RHEB: variants seen among roughly 807,000 people sequenced by gnomAD.
RHEB encodes GTP-binding protein Rheb.
In RHEB, 2 loss-of-function variants were observed where a neutral mutation model predicts 28.8. The observed-to-expected ratio is 0.07, with a 90% CI of 0.03 to 0.22. The LOEUF (loss-of-function observed/expected upper bound fraction) is 0.22. Ranked by LOEUF, RHEB falls within the 10% of genes least tolerant of loss-of-function variation. RHEB has a pLI of 1.00. For synonymous variants in RHEB, 69 were observed against 77.3 expected (o/e 0.89, Z 0.56); for missense variants, 76 against 219.9 (o/e 0.35, Z 4.14).
At chr7:151,503,335 A>G (rs1343205814) in intron 1 of RHEB, 1 of 868,434 alleles carries the variant, frequency 1.2e-6, no homozygotes. Context: ...GATCACAGAT[A>G]AAATGCAAGA....
rs373977431 is a variant in RHEB at position 151,484,622 on chromosome 7, T to A, written c.192+115A>T. The A allele has an allele frequency of 1.1e-5, 8 of 730,584 alleles. No homozygotes were observed. In the South Asian group the frequency reaches 1.2e-4, roughly 11 times the overall value. The allele number at this position is 730,584 out of a possible 1,614,324, so 45.3% of individuals were successfully genotyped here. On this transcript the variant is annotated intron_variant, in intron 3 of 7. Coordinates refer to ENST00000262187, the MANE Select transcript of RHEB (RefSeq NM_005614.4). ...CCAAACCATTGGGAGTCAGGGACTG[T>A]CTGCACACAACCTGAGGGGTTTTCT... is the stretch of plus-strand genomic sequence containing the variant.
At position 151,481,967 on chromosome 7, in the gene RHEB, CCCAGA is replaced by C. The variant is rs775127116; in HGVS notation, c.192+2765_192+2769del. On this transcript the variant is annotated intron_variant, in intron 3 of 7. Coordinates refer to ENST00000262187, the MANE Select transcript of RHEB (RefSeq NM_005614.4). Reference sequence around the variant, plus strand: ...TTTATGTTCCAGGGCAAAACAGTACCCCAGAGGAACACATATTCCAACTTGATAAG... The same window carrying C: ...TTTATGTTCCAGGGCAAAACAGTACCGGAACACATATTCCAACTTGATAAG... Among the ~76,000 whole-genome samples the C allele has an allele frequency of 2.6e-5, 4 of 152,098 alleles. No individual in the cohort carries two copies. The South Asian group carries it at 8.3e-4, about 31-fold the overall frequency.
At chr7:151,487,776 C>T (rs1337978766) in intron 2 of RHEB, among the ~76,000 whole-genome samples, 1 of 152,188 alleles carries the variant, frequency 6.6e-6, no homozygotes, top group Non-Finnish European at 1.5e-5. Context: ...TCCTTGAGCC[C>T]CTTTCTCCCT....
At chr7:151,492,524 G>C (rs556502354) in intron 1 of RHEB, among the ~76,000 whole-genome samples, 1 of 150,588 alleles carries the variant, frequency 6.6e-6, no homozygotes, top group African/African-American at 2.4e-5. Flanking sequence ...GGCTGAGGCA[G>C]GAGGATAGTT....
At position 151,519,702 on chromosome 7, in the gene RHEB, T is replaced by TCCCC. The variant is rs1192394210; in HGVS notation, c.-195_-192dup. On this transcript the variant is annotated 5_prime_UTR_variant, in exon 1 of 8. Coordinates refer to ENST00000262187, the MANE Select transcript of RHEB (RefSeq NM_005614.4). ...GGAACCGACCGCGCGGCGGCGCCCC[T>TCCCC]CCCCCCCACAACACGCCCACGTGAC... 1 of 379,920 alleles carries TCCCC rather than the reference T, an allele frequency of 2.6e-6. No homozygotes were observed. The highest frequency in any genetic ancestry group is 4.5e-6 in the Non-Finnish European group (1 of 220,700). The allele number at this position is 379,920 out of a possible 1,614,324, so 23.5% of individuals were successfully genotyped here.
intron 1 of RHEB, among the ~76,000 whole-genome samples, chr7:151,517,534 C>T (rs1803103557): frequency 1.3e-5 from 2 of 151,402 alleles, no homozygotes; most frequent in Non-Finnish European, 2.9e-5. Flanking sequence ...ACCCTGTATC[C>T]CACCGGAGAC....
At chr7:151,481,008 T>A (rs1470868391) in intron 3 of RHEB, among the ~76,000 whole-genome samples, 8 of 151,798 alleles carry the variant, frequency 5.3e-5, no homozygotes, top group Admixed American at 4.6e-4. Flanking sequence ...GTTGCAAAAT[T>A]TTTTTTTTCA....
chr7:151,517,837 T>C (rs762395580), intron 1 of RHEB: 4 of 152,332 alleles, frequency 2.6e-5, no homozygotes, highest in East Asian at 1.9e-4. Flanking sequence ...TTGTTGCCTA[T>C]AACGTGATTA....
chr7:151,481,256 T>C (rs895658665), intron 3 of RHEB, among the ~76,000 whole-genome samples: 3 of 152,182 alleles, frequency 2.0e-5, no homozygotes, highest in African/African-American at 7.2e-5. Flanking sequence ...TTTAACCATG[T>C]TCATCATCAT....
chr7:151,484,550 T>C (rs531777131), intron 3 of RHEB, among the ~76,000 whole-genome samples, 187 bp downstream of exon 3: 2 of 152,224 alleles, frequency 1.3e-5, no homozygotes, highest in African/African-American at 2.4e-5. Context: ...AATACCTCAA[T>C]AGACCCATCG....
At chr7:151,481,093 AAC>A (rs1802375520) in intron 3 of RHEB, among the ~76,000 whole-genome samples, 1 of 152,106 alleles carries the variant, frequency 6.6e-6, no homozygotes, top group Non-Finnish European at 1.5e-5. Context: ...CCAATAATGT[AAC>A]ACCAGGCATA....
rs191958741 is a variant in RHEB at position 151,500,976 on chromosome 7, G to A, written c.53-9962C>T. ...ACCAGCCTGGGTGACGGAACAAGAC[G>A]CTGTCTCCAAAATCAAAAAAATCAT... On this transcript the variant is annotated intron_variant, in intron 1 of 7. Coordinates refer to ENST00000262187, the MANE Select transcript of RHEB (RefSeq NM_005614.4). Among the ~76,000 whole-genome samples, 197 of 148,356 alleles carry A rather than the reference G, an allele frequency of 1.3e-3. 2 individuals are homozygous for A. The highest frequency in any genetic ancestry group is 3.9e-4 in the East Asian group (2 of 5,178).
intron 1 of RHEB, 144 bp from the exon 2 acceptor site, chr7:151,491,158 C>A: frequency 1.7e-6 from 1 of 601,384 alleles, no homozygotes; most frequent in Non-Finnish European, 2.9e-6. Flanking sequence ...AGCATGTGAG[C>A]AATTTCAAAA....
intron 2 of RHEB, among the ~76,000 whole-genome samples, chr7:151,490,673 T>C (rs1218875787): frequency 6.6e-6 from 1 of 152,168 alleles, no homozygotes; most frequent in Non-Finnish European, 1.5e-5. Flanking sequence ...TCCATTCCTG[T>C]TTTGGAGCAG....
rs999713920 is a variant in RHEB, at chr7:151,472,211, G to A, written c.276-606C>T. 2.0e-5 allele frequency: 3 copies of A among 152,190 alleles called. No homozygotes were observed. The highest frequency in any genetic ancestry group is 7.2e-5 in the African/African-American group (3 of 41,406). The allele number at this position is 152,190 out of a possible 1,614,324, so 9.4% of individuals were successfully genotyped here. A position where few individuals can be genotyped will look rare whatever the true frequency, so the allele number is the denominator to read the frequency against. On this transcript the variant is annotated intron_variant, in intron 4 of 7. Coordinates refer to ENST00000262187, the MANE Select transcript of RHEB (RefSeq NM_005614.4). The surrounding 1 kb of genome is among the most constrained non-coding windows in gnomAD (Gnocchi z 5.2). ...CCCCAAAAAACCCATGCAAACATCT[G>A]CCAGCACATCACTGGCTCTACTTTC...
At chr7:151,502,612 A>G in intron 1 of RHEB, 1 of 1,517,260 alleles carries the variant, frequency 6.6e-7, no homozygotes, top group Non-Finnish European at 9.1e-7. Context: ...TTCAGATGAC[A>G]GCAAGTTTGG....
intron 1 of RHEB, among the ~76,000 whole-genome samples, 172 bp from the exon 2 acceptor site, chr7:151,491,186 T>G (rs1245754306): frequency 6.6e-6 from 1 of 152,248 alleles, no homozygotes; most frequent in Non-Finnish European, 1.5e-5. Flanking sequence ...TAAATTTCAT[T>G]AATTTGCTTT....
In RHEB at chr7:151,471,708, C is replaced by G. The variant is rs549062190; in HGVS notation, c.276-103G>C. ...AAAATGTAAAATGTCACAGACTCAC[C>G]ATTTTAACATAACATAAAATGAACA... On this transcript the variant is annotated intron_variant, in intron 4 of 7. Transcript: ENST00000262187. 8 of 723,150 alleles carry G rather than the reference C, an allele frequency of 1.1e-5. 1 individual carries two copies. The highest frequency in any genetic ancestry group is 8.0e-4 in the Middle Eastern group (2 of 2,498). The allele number at this position is 723,150 out of a possible 1,614,324, so 44.8% of individuals were successfully genotyped here. A position where few individuals can be genotyped will look rare whatever the true frequency, so the allele number is the denominator to read the frequency against.
intron 3 of RHEB, among the ~76,000 whole-genome samples, chr7:151,477,642 A>G (rs1340407977): frequency 2.6e-5 from 4 of 152,162 alleles, no homozygotes; most frequent in Non-Finnish European, 4.4e-5. Flanking sequence ...ACTTTAGGGG[A>G]AAGTCTGATG....
Sources: allele counts gnomAD v4.1 joint callset (sites outside exome capture counted in the v4.1 genomes callset), GRCh38; gene constraint gnomAD v4.1.1; non-coding constraint Gnocchi (gnomAD v3.1); transcripts MANE v1.5; gene names NCBI Gene and HGNC (gene_info 2026-07-23, HGNC 2026-07-21).